The following ELP4 variants were observed in gnomAD, a reference collection of about 807,000 sequenced individuals.
The protein encoded by ELP4 is elongator complex protein 4.
A neutral mutation model predicts 48.9 loss-of-function variants in ELP4; 51 were observed. The ratio of observed to expected loss-of-function variants is 1.04; its 90% CI spans 0.83 to 1.32. The LOEUF is 1.32. Among genes scored for constraint, ELP4 ranks in the 40% most tolerant of loss-of-function variants. The pLI, the probability that ELP4 is intolerant of heterozygous loss-of-function variation, is 0.00. For synonymous variants in ELP4, 210 were observed against 189.2 expected, an observed-to-expected ratio of 1.11 and a Z score of -0.90; for missense variants, 519 against 514.6, an observed-to-expected ratio of 1.01 and a Z score of -0.08.
intron 8 of ELP4, 82 bp from the exon 9 acceptor site, chr11:31,650,033 G>T: frequency 1.8e-6 from 1 of 561,026 alleles, no homozygotes; most frequent in South Asian, 2.8e-5. Flanking sequence ...TAAATTTACA[G>T]GATTCTGCTA....
intron 7 of ELP4, among the ~76,000 whole-genome samples, chr11:31,642,441 C>T (rs1945118048): frequency 6.6e-6 from 1 of 151,712 alleles, no homozygotes; most frequent in African/African-American, 2.4e-5. Context: ...TTGCCTATTC[C>T]TAGTAAAATT....
chr11:31,666,073 A>G (rs553805162), intron 9 of ELP4, among the ~76,000 whole-genome samples: 3 of 146,040 alleles, frequency 2.1e-5, no homozygotes, highest in South Asian at 2.2e-4. Flanking sequence ...CAGTGACACA[A>G]TCTAGGCTCA....
At chr11:31,756,729 G>A (rs1433252180) in intron 9 of ELP4, among the ~76,000 whole-genome samples, 1 of 152,162 alleles carries the variant, frequency 6.6e-6, no homozygotes, top group Non-Finnish European at 1.5e-5. Flanking sequence ...AGTTATGTAA[G>A]TATTAAGCAA....
chr11:31,650,338 A>T, intron 9 of ELP4, 117 bp downstream of exon 9: 1 of 469,052 alleles, frequency 2.1e-6, no homozygotes, highest in Non-Finnish European at 3.9e-6. Flanking sequence ...TTCTTAGGAC[A>T]TGTTTTATGC....
At chr11:31,676,360 C>G (rs1945925407) in intron 9 of ELP4, among the ~76,000 whole-genome samples, 1 of 152,164 alleles carries the variant, frequency 6.6e-6, no homozygotes, top group African/African-American at 2.4e-5. Flanking sequence ...CACTCTTAAT[C>G]TGCTTCATGT....
At chr11:31,610,627 A>G (rs985148042) in intron 5 of ELP4, among the ~76,000 whole-genome samples, 1 of 152,066 alleles carries the variant, frequency 6.6e-6, no homozygotes, top group African/African-American at 2.4e-5. Context: ...CTGTTTCAAC[A>G]TTTCACTTAG....
At chr11:31,737,219 C>CA (rs1438001494) in intron 9 of ELP4, among the ~76,000 whole-genome samples, 1 of 151,704 alleles carries the variant, frequency 6.6e-6, no homozygotes, top group Admixed American at 6.6e-5. Context: ...ATTGCAAGGA[C>CA]AAAAAACCAA....
chr11:31,609,650 G>A (rs1295190100), intron 5 of ELP4, among the ~76,000 whole-genome samples: 1 of 152,072 alleles, frequency 6.6e-6, no homozygotes, highest in Admixed American at 6.5e-5. Flanking sequence ...TACTCCCAAG[G>A]GGGCTCCTTG....
At chr11:31,583,099 G>A (rs1957416706) in intron 3 of ELP4, among the ~76,000 whole-genome samples, 1 of 152,084 alleles carries the variant, frequency 6.6e-6, no homozygotes, top group Admixed American at 6.6e-5. Flanking sequence ...CTGACTCTTA[G>A]GGAAAAGTAA....
chr11:31,681,692 A>C (rs1025686607), intron 9 of ELP4: 1 of 157,244 alleles, frequency 6.4e-6, no homozygotes, highest in African/African-American at 2.4e-5. Context: ...CAGTGCATGT[A>C]AAAGAAAACT....
chr11:31,703,750 A>G (rs1366430706), intron 9 of ELP4, among the ~76,000 whole-genome samples: 1 of 152,180 alleles, frequency 6.6e-6, no homozygotes, highest in East Asian at 1.9e-4. Flanking sequence ...TTTTTAAGGA[A>G]ATCAAAGTGT....
At chr11:31,695,553 G>T (rs1316373537) in intron 9 of ELP4, among the ~76,000 whole-genome samples, 1 of 150,854 alleles carries the variant, frequency 6.6e-6, no homozygotes, top group Non-Finnish European at 1.5e-5. Flanking sequence ...TGCTGGATTT[G>T]GTTTGCCAGC....
In ELP4 at chr11:31,587,755, A is replaced by G. The variant is rs183672001; in HGVS notation, c.382-7015A>G. 3.9e-5 allele frequency among the ~76,000 whole-genome samples: 6 copies of G among 152,250 alleles called. No homozygotes were observed. The East Asian group carries it at 1.2e-3, about 29-fold the overall frequency. Reference sequence around the variant, plus strand: ...CTGGAAATGTTGCTTACTTAATGTTACAATGATTGTCCGCAGGGGGTTTTG... The same window carrying G: ...CTGGAAATGTTGCTTACTTAATGTTGCAATGATTGTCCGCAGGGGGTTTTG... On this transcript the variant is annotated intron_variant, in intron 3 of 9. Coordinates refer to ENST00000640961, the MANE Select transcript of ELP4 (RefSeq NM_019040.5).
rs762915630 is a variant in ELP4 at position 31,789,441 on chromosome 11, T to C, written c.*5917T>C. ...TAAATCTAGTGCATGTTGTTCCAGG[T>C]TTAATTATATGCAAAGGAATGATAC... On this transcript the variant is annotated 3_prime_UTR_variant, in exon 10 of 10. Coordinates refer to ENST00000640961, the MANE Select transcript of ELP4 (RefSeq NM_019040.5). 2.3e-6 allele frequency: 1 copy of C among 430,398 alleles called. No homozygotes were observed. The highest frequency in any genetic ancestry group is 5.0e-5 in the South Asian group (1 of 19,986). 26.7% of individuals were successfully genotyped at this position (430,398 alleles called of 1,614,324 possible).
At chr11:31,550,941 G>A (rs1302444575) in intron 3 of ELP4, among the ~76,000 whole-genome samples, 1 of 152,132 alleles carries the variant, frequency 6.6e-6, no homozygotes, top group Non-Finnish European at 1.5e-5. Flanking sequence ...CGACTTGCTA[G>A]CCATTGCTTT....
chr11:31,662,344 A>T (rs1188776188), intron 9 of ELP4, among the ~76,000 whole-genome samples: 1 of 152,152 alleles, frequency 6.6e-6, no homozygotes, highest in South Asian at 2.1e-4. Flanking sequence ...TTTTGTCCAC[A>T]TAAAAGTGGG....
At chr11:31,740,078 T>A (rs1947412115) in intron 9 of ELP4, among the ~76,000 whole-genome samples, 1 of 152,248 alleles carries the variant, frequency 6.6e-6, no homozygotes, top group Admixed American at 6.5e-5. Flanking sequence ...GTTATACAGT[T>A]GAAAAAACTA....
Position 31,789,542 on chromosome 11 carries a change from T to G in ELP4, c.*6018T>G. The G allele has an allele frequency of 1.7e-6, 1 of 600,474 alleles. No individual in the cohort carries two copies. The highest frequency in any genetic ancestry group is 2.7e-5 in the East Asian group (1 of 36,368). The allele number at this position is 600,474 out of a possible 1,614,324, so 37.2% of individuals were successfully genotyped here. ...GATATATCTTGATAAAACTCTTAAA[T>G]TCGTGGCAAAGCTTGTTGATCATGG... is the stretch of plus-strand genomic sequence containing the variant. On this transcript the variant is annotated 3_prime_UTR_variant, in exon 10 of 10. Coordinates refer to ENST00000640961, the MANE Select transcript of ELP4 (RefSeq NM_019040.5).
chr11:31,678,905 C>T (rs1057313902), intron 9 of ELP4, among the ~76,000 whole-genome samples: 5 of 152,106 alleles, frequency 3.3e-5, no homozygotes, highest in Non-Finnish European at 7.3e-5. Flanking sequence ...TGCTCCACAT[C>T]CTTGTCAGCA....
Sources: gnomAD v4.1 joint callset for allele counts (sites outside exome capture counted in the v4.1 genomes callset) on GRCh38, gnomAD v4.1.1 for gene constraint, MANE v1.5 for transcripts, NCBI Gene and HGNC (gene_info 2026-07-23, HGNC 2026-07-21) for gene names.